PARP14: variants seen among roughly 807,000 people sequenced by gnomAD.
PARP14 encodes the protein poly(ADP-ribose) polymerase family member 14.
A neutral mutation model predicts 154.2 loss-of-function variants in PARP14; 59 were observed. The observed-to-expected ratio is 0.38, with a 90% CI of 0.31 to 0.48. The LOEUF is 0.48. PARP14 is among the 20% of genes least tolerant of loss of function. The pLI is 0.98. For synonymous variants in PARP14, 720 were observed against 780.5 expected, an observed-to-expected ratio of 0.92 and a Z score of 1.29; for missense variants, 1,734 against 2,131.6, an observed-to-expected ratio of 0.81 and a Z score of 3.67.
intron 14 of PARP14, among the ~76,000 whole-genome samples, chr3:122,720,054 C>G (rs1425625968): frequency 3.3e-5 from 5 of 151,766 alleles, no homozygotes; most frequent in Non-Finnish European, 7.4e-5. Context: ...CTGTGGCTTT[C>G]CTTTTTTTTG....
Position 122,692,395 on chromosome 3 carries a change from G to T in PARP14, c.450G>T (p.Leu150Phe), listed in dbSNP as rs1240772568. ...IPEECENISS[L>F]VAFENLKANV... ...AGGAATGTGAAAATATTTCCTCTTT[G>T]GTGGCATTTGAAAACCTCAAGGCAA... The change falls in exon 4 of 17, where the codon TTG becomes TTT. Residue 150 changes from leucine (L) to phenylalanine (F), a missense_variant. Leu to Phe is a conservative substitution (Grantham distance 22, BLOSUM62 0). Coordinates refer to ENST00000474629, the MANE Select transcript of PARP14 (RefSeq NM_017554.3). The T allele has an allele frequency of 1.9e-6, 3 of 1,613,760 alleles. No homozygotes were observed. Among genetic ancestry groups the T allele is most frequent in the Admixed American group, 3.3e-5 (2 of 60,008 alleles).
intron 9 of PARP14, among the ~76,000 whole-genome samples, chr3:122,710,882 C>A (rs1242914246): frequency 2.0e-5 from 3 of 150,648 alleles, no homozygotes; most frequent in African/African-American, 7.3e-5. Context: ...TGATTTGATT[C>A]TCAGCTTGGT....
chr3:122,687,808 C>T (rs529095663), intron 3 of PARP14, among the ~76,000 whole-genome samples: 5 of 152,254 alleles, frequency 3.3e-5, no homozygotes, highest in Admixed American at 2.0e-4. Context: ...CTGAATGAAC[C>T]GAGCTAGAGA....
chr3:122,726,303 T>C (rs908464124), intron 15 of PARP14, among the ~76,000 whole-genome samples: 17 of 152,254 alleles, frequency 1.1e-4, no homozygotes, highest in African/African-American at 4.1e-4. Flanking sequence ...CAGTTTTTAT[T>C]TATCTGAAAA....
chr3:122,706,817 CAAAA>C (rs796804488), intron 8 of PARP14, among the ~76,000 whole-genome samples: 1 of 124,678 alleles, frequency 8.0e-6, no homozygotes, highest in African/African-American at 3.1e-5. Context: ...CACCAACAGG[CAAAA>C]AAAAAAAAAA....
intron 8 of PARP14, among the ~76,000 whole-genome samples, chr3:122,705,020 TTCAACAGTTA>T (rs1407939101): frequency 6.6e-6 from 1 of 152,246 alleles, no homozygotes; most frequent in Admixed American, 6.5e-5. Flanking sequence ...ATCACTGAAC[TTCAACAGTTA>T]TCAACCTATG....
At position 122,681,167 on chromosome 3, in the gene PARP14, T is replaced by C; in HGVS notation, c.187+97T>C. 1 of 484,062 alleles carries C rather than the reference T, an allele frequency of 2.1e-6. No individual in the cohort carries two copies. Among genetic ancestry groups the C allele is most frequent in the Non-Finnish European group, 3.4e-6 (1 of 298,230 alleles). 30.0% of individuals were successfully genotyped at this position (484,062 alleles called of 1,614,324 possible). ...CGCACGGGAGGGTGACCCGCCCGAC[T>C]TCGGCGGCTGCTGTAGCGGAGGTGG... On this transcript the variant is annotated intron_variant, in intron 1 of 16. Transcript: ENST00000474629. This position sits in a 1 kb window ranked among gnomAD's most constrained non-coding sequence, Gnocchi z 5.5.
chr3:122,696,076 T>C (rs991524434), intron 5 of PARP14, among the ~76,000 whole-genome samples: 2 of 152,312 alleles, frequency 1.3e-5, no homozygotes, highest in South Asian at 4.1e-4. Context: ...TTTCACCTAT[T>C]GTATCATCAT....
chr3:122,693,075 T>G (rs535531057), intron 4 of PARP14, among the ~76,000 whole-genome samples: 4 of 152,190 alleles, frequency 2.6e-5, no homozygotes, highest in African/African-American at 4.8e-5. Flanking sequence ...CATGTTACAG[T>G]TGGGGAGACA....
chr3:122,693,222 G>T (rs1344724652), intron 4 of PARP14, among the ~76,000 whole-genome samples: 1 of 152,214 alleles, frequency 6.6e-6, no homozygotes, highest in Non-Finnish European at 1.5e-5. Context: ...ATGAGTAAGT[G>T]CGTGTGATGC....
chr3:122,703,011 C>CAAAAAAA (rs1185336732), intron 6 of PARP14, among the ~76,000 whole-genome samples: 4 of 67,388 alleles, frequency 5.9e-5, no homozygotes, highest in East Asian at 3.8e-4. Context: ...AAAAAAAAAA[C>CAAAAAAA]AAAAAAAAAA....
Position 122,729,434 on chromosome 3 carries a change from C to CA in PARP14, c.*837_*838insA, listed in dbSNP as rs1481799368. ...TTTTTAATGCTGAACCAAAATGTGC[C>CA]TTTTTTTTTTTTTTTTTGAGATGGA... On this transcript the variant is annotated 3_prime_UTR_variant, in exon 17 of 17. Transcript: ENST00000474629. The CA allele has an allele frequency of 7.5e-6, 1 of 133,850 alleles. No homozygotes were observed. Among genetic ancestry groups the CA allele is most frequent in the Non-Finnish European group, 1.6e-5 (1 of 63,848 alleles). 8.3% of individuals were successfully genotyped at this position (133,850 alleles called of 1,614,324 possible).
chr3:122,714,211 T>A, intron 11 of PARP14, 51 bp from the exon 12 acceptor site: 1 of 1,481,278 alleles, frequency 6.8e-7, no homozygotes, highest in South Asian at 1.3e-5. Context: ...TCTAAACAAA[T>A]GACGGGTTCA....
Position 122,683,115 on chromosome 3 carries a change from G to A in PARP14, c.187+2045G>A, listed in dbSNP as rs532370720. On this transcript the variant is annotated intron_variant, in intron 1 of 16. Coordinates refer to ENST00000474629, the MANE Select transcript of PARP14 (RefSeq NM_017554.3). ...CAAACAAAAACAAACTCGAAACCTAGTATGGTCTAAGTTCTTGGGGGTGGA... is the reference window on the plus strand; with the variant it reads ...CAAACAAAAACAAACTCGAAACCTAATATGGTCTAAGTTCTTGGGGGTGGA... Among the ~76,000 whole-genome samples, 6 of 152,208 alleles carry A rather than the reference G, an allele frequency of 3.9e-5. No homozygotes were observed. In the East Asian group the frequency reaches 7.7e-4, roughly 20 times the overall value.
chr3:122,695,282 T>A, intron 4 of PARP14, 144 bp from the exon 5 acceptor site: 1 of 585,244 alleles, frequency 1.7e-6, no homozygotes, highest in South Asian at 2.1e-5. Flanking sequence ...TAAATTCTCA[T>A]GTAGGTATTA....
chr3:122,701,136 C>T lies in PARP14; in HGVS notation c.2582C>T (p.Pro861Leu), dbSNP rs374205838. ...GTGAAGAGAGAGGGCAGACTCCTAC[C>T]GGGCAATGCCACCATCTCCAAGGCA... is the stretch of plus-strand genomic sequence containing the variant. ...QIVKREGRLL[P>L]GNATISKAGK... Residue 861 changes from proline to leucine, a missense_variant, in exon 6 of 17, where the codon CCG becomes CTG. Transcript: ENST00000474629. The surrounding 1 kb of genome is among the most constrained non-coding windows in gnomAD (Gnocchi z 4.0). 7.4e-6 allele frequency: 12 copies of T among 1,613,760 alleles called. No homozygotes were observed. The highest frequency in any genetic ancestry group is 1.1e-5 in the South Asian group (1 of 91,084).
At chr3:122,719,057 C>A in intron 14 of PARP14, 99 bp downstream of exon 14, 3 of 1,146,402 alleles carry the variant, frequency 2.6e-6, no homozygotes, top group African/African-American at 1.6e-5. Context: ...GGAAAAAATT[C>A]ATGTGACACT....
At chr3:122,689,911 A>G (rs1474945350) in intron 3 of PARP14, among the ~76,000 whole-genome samples, 1 of 152,186 alleles carries the variant, frequency 6.6e-6, no homozygotes, top group African/African-American at 2.4e-5. Flanking sequence ...TTTGAGCCAC[A>G]TCAGTCAAAT....
At chr3:122,720,204 C>G (rs542768590) in intron 14 of PARP14, 51 bp from the exon 15 acceptor site, 1 of 1,567,808 alleles carries the variant, frequency 6.4e-7, no homozygotes, top group East Asian at 2.3e-5. Flanking sequence ...ACTAAATGTT[C>G]CAGAGTGTAC....
Sources: gnomAD v4.1 joint callset for allele counts (sites outside exome capture counted in the v4.1 genomes callset) on GRCh38, gnomAD v4.1.1 for gene constraint, Gnocchi (gnomAD v3.1) non-coding constraint, MANE v1.5 for transcripts, NCBI Gene and HGNC (gene_info 2026-07-23, HGNC 2026-07-21) for gene names.